The following DNAAF9 variants were observed in gnomAD, a reference collection of about 807,000 sequenced individuals.
DNAAF9 encodes the protein shulin.
DNAAF9 carries 90 observed loss-of-function variants against 167.0 expected under a neutral mutation model. The ratio of observed to expected loss-of-function variants is 0.54; its 90% confidence interval spans 0.45 to 0.64. The LOEUF (loss-of-function observed/expected upper bound fraction) is 0.64, where lower values mean the gene tolerates loss of function less well. Ranked by LOEUF, DNAAF9 falls within the 30% of genes least tolerant of loss-of-function variation. DNAAF9 has a pLI of 0.00. For synonymous variants in DNAAF9, 491 were observed against 508.8 expected, an observed-to-expected ratio of 0.96 and a Z score of 0.47; for missense variants, 1,315 against 1,442.2, an observed-to-expected ratio of 0.91 and a Z score of 1.43.
At chr20:3,374,002 A>G (rs2123221763) in intron 6 of DNAAF9, 46 bp downstream of exon 6, 1 of 1,209,894 alleles carries the variant, frequency 8.3e-7, no homozygotes, top group East Asian at 2.3e-5. Context: ...TCATAAAAAC[A>G]GCCCAGTGGC....
rs1048941505 is a variant in DNAAF9 at position 3,290,172 on chromosome 20, C to T, written c.2284G>A (p.Glu762Lys). 7.4e-6 allele frequency: 12 copies of T among 1,613,278 alleles called. No individual in the cohort carries two copies. Among genetic ancestry groups the T allele is most frequent in the African/African-American group, 4.0e-5 (3 of 74,914 alleles). ...AGAGTGACCAGAAAAGCACAGAGCT[C>T]GCTAGCGTGACAGCCTGGGAGGCCG... Reference protein sequence around the residue: ...VTGLPGCHASELCAFLVTLHK... With the variant: ...VTGLPGCHASKLCAFLVTLHK... The change falls in exon 26 of 37, where the codon GAG (glutamate) becomes AAG (lysine). Residue 762 changes from glutamate to lysine, a missense_variant. Glu to Lys is a moderately conservative substitution (Grantham distance 56). Around this residue, in one of 2 missense-constraint regions of DNAAF9, gnomAD observed 981 missense variants for 1,012.5 expected, o/e 0.97. Transcript: ENST00000252032.
In DNAAF9 at chr20:3,313,941, C is replaced by G. The variant is rs146942561; in HGVS notation, c.1678+1092G>C. 4.1e-3 allele frequency among the ~76,000 whole-genome samples: 620 copies of G among 152,230 alleles called. 8 individuals are homozygous for G. Among genetic ancestry groups the G allele is most frequent in the African/African-American group, 0.014 (592 of 41,544 alleles). On this transcript the variant is annotated intron_variant, in intron 20 of 36. Coordinates refer to ENST00000252032, the MANE Select transcript of DNAAF9 (RefSeq NM_001009984.3). ...CCAGAATTATTCCCAGGCCTTGAAA[C>G]CTTATCAAGGAACTGAAGTCTGCCC...
At chr20:3,366,762 A>G (rs1465141951) in intron 6 of DNAAF9, among the ~76,000 whole-genome samples, 1 of 151,826 alleles carries the variant, frequency 6.6e-6, no homozygotes, top group Middle Eastern at 3.2e-3. Flanking sequence ...CCATTTCTAC[A>G]AAAAATAAAA....
intron 23 of DNAAF9, chr20:3,295,960 G>A (rs1190243084): frequency 6.3e-7 from 1 of 1,582,460 alleles, no homozygotes; most frequent in Non-Finnish European, 8.7e-7. Flanking sequence ...TGGGGTGCCA[G>A]ATCTTGGTCA....
chr20:3,373,969 T>C, intron 6 of DNAAF9, 79 bp downstream of exon 6: 1 of 856,122 alleles, frequency 1.2e-6, no homozygotes, highest in South Asian at 1.5e-5. Flanking sequence ...GGTGTTATAA[T>C]AATGCACACT....
chr20:3,278,839 C>A (rs147748396), intron 29 of DNAAF9, 73 bp downstream of exon 29: 7 of 1,127,746 alleles, frequency 6.2e-6, no homozygotes, highest in African/African-American at 6.1e-5. Flanking sequence ...GGTAAGAGCA[C>A]GAAGAAAAGT....
rs372015979 is a variant in DNAAF9, at chr20:3,376,280, C to T, written c.306G>A (p.Ser102=). Residue 102 remains serine, a synonymous_variant, in exon 4 of 37, where the codon TCG becomes TCA. Coordinates refer to ENST00000252032, the MANE Select transcript of DNAAF9 (RefSeq NM_001009984.3). Reference sequence around the variant, plus strand: ...GATTACAGTACAGATGGACGCTATCCGATTTAATCAATATAATTACATCTG... The same window carrying T: ...GATTACAGTACAGATGGACGCTATCTGATTTAATCAATATAATTACATCTG... The part of the protein sequence containing the change: ...VLDDVIILIK[S]DSVHLYCNPV... The T allele has an allele frequency of 1.2e-5, 20 of 1,608,982 alleles. No individual in the cohort carries two copies. Among genetic ancestry groups the T allele is most frequent in the Admixed American group, 1.7e-5 (1 of 59,400 alleles).
At chr20:3,331,921 G>A (rs2069836806) in intron 11 of DNAAF9, among the ~76,000 whole-genome samples, 1 of 152,306 alleles carries the variant, frequency 6.6e-6, no homozygotes, top group Admixed American at 6.5e-5. Flanking sequence ...TGATCTGCCT[G>A]CCTGGGCCTC....
chr20:3,255,343 G>C, intron 34 of DNAAF9, 59 bp from the exon 35 acceptor site: 1 of 1,083,088 alleles, frequency 9.2e-7, no homozygotes, highest in Non-Finnish European at 1.4e-6. Context: ...TGCATGGGCA[G>C]GGGAGGGCTC....
chr20:3,280,465 T>C (rs1280231904), intron 28 of DNAAF9, among the ~76,000 whole-genome samples: 1 of 151,242 alleles, frequency 6.6e-6, no homozygotes, highest in East Asian at 2.0e-4. Flanking sequence ...CTCGGGAGGC[T>C]GAGGCAAGAA....
intron 8 of DNAAF9, 125 bp downstream of exon 8, chr20:3,348,400 C>A: frequency 1.9e-6 from 1 of 522,890 alleles, no homozygotes. Context: ...TGGTATACAA[C>A]ACAGCTTAAA....
chr20:3,265,674 CTT>C (rs1255778177), intron 30 of DNAAF9, among the ~76,000 whole-genome samples: 21 of 136,992 alleles, frequency 1.5e-4, no homozygotes, highest in Admixed American at 3.0e-4. Context: ...AGATACATTC[CTT>C]TTTTTTTTTT....
rs117331683 is a variant in DNAAF9 at position 3,386,008 on chromosome 20, G to C, written c.84-3502C>G. ...AGAGATTATTCTAAAATTTACATAA[G>C]CCAGGAACAGTGATACAGGTCTTAG... On this transcript the variant is annotated intron_variant, in intron 1 of 36. Coordinates refer to ENST00000252032, the MANE Select transcript of DNAAF9 (RefSeq NM_001009984.3). 3.2e-4 allele frequency among the ~76,000 whole-genome samples: 48 copies of C among 152,186 alleles called. No individual in the cohort carries two copies. In the East Asian group the frequency reaches 9.1e-3, roughly 29 times the overall value.
chr20:3,336,536 T>A (rs1047726700), intron 10 of DNAAF9, among the ~76,000 whole-genome samples: 15 of 152,060 alleles, frequency 9.9e-5, no homozygotes, highest in Admixed American at 6.6e-4. Flanking sequence ...ACTGAGTTTT[T>A]AAATTTGACT....
chr20:3,339,023 T>C (rs2070025812), intron 10 of DNAAF9, among the ~76,000 whole-genome samples: 1 of 152,258 alleles, frequency 6.6e-6, no homozygotes, highest in African/African-American at 2.4e-5. Flanking sequence ...GAATTTTCTA[T>C]TGACCAATGT....
Position 3,252,325 on chromosome 20 carries a change from G to GTA in DNAAF9, c.*245_*246dup. The GTA allele has an allele frequency of 2.7e-6, 1 of 374,234 alleles. No individual in the cohort carries two copies. Among genetic ancestry groups the GTA allele is most frequent in the Non-Finnish European group, 4.9e-6 (1 of 203,112 alleles). 23.2% of individuals were successfully genotyped at this position (374,234 alleles called of 1,614,324 possible). ...AGCTCCTGGACTGCCAGTTGCACAC[G>GTA]TAGACGGGCAGGCCCCATCTGCTCA... On this transcript the variant is annotated 3_prime_UTR_variant, in exon 37 of 37. Coordinates refer to ENST00000252032, the MANE Select transcript of DNAAF9 (RefSeq NM_001009984.3).
intron 16 of DNAAF9, 77 bp downstream of exon 16, chr20:3,322,140 C>T: frequency 9.5e-7 from 1 of 1,056,772 alleles, no homozygotes; most frequent in Non-Finnish European, 1.5e-6. Context: ...AGACCCCCAC[C>T]CACTCCCACC....
In DNAAF9 at chr20:3,252,806, G is replaced by A. The variant is rs1421235536; in HGVS notation, c.3422-122C>T. The A allele has an allele frequency of 3.4e-5, 23 of 685,508 alleles. No individual in the cohort carries two copies. The East Asian group carries it at 5.8e-4, about 17-fold the overall frequency. 42.5% of individuals were successfully genotyped at this position (685,508 alleles called of 1,614,324 possible). On this transcript the variant is annotated intron_variant, in intron 36 of 36. Coordinates refer to ENST00000252032, the MANE Select transcript of DNAAF9 (RefSeq NM_001009984.3). ...AGGAAGTGAGTGTCTGGCCCATAGAGAGGGAACCTGATGGACTCTTTGTAT... is the reference window on the plus strand; with the variant it reads ...AGGAAGTGAGTGTCTGGCCCATAGAAAGGGAACCTGATGGACTCTTTGTAT...
At position 3,352,102 on chromosome 20, in the gene DNAAF9, A is replaced by G. The variant is rs1001960446; in HGVS notation, c.691-3479T>C. Among the ~76,000 whole-genome samples the G allele has an allele frequency of 2.0e-5, 3 of 152,222 alleles. No individual in the cohort carries two copies. In the South Asian group the frequency reaches 6.2e-4, roughly 32 times the overall value. On this transcript the variant is annotated intron_variant, in intron 7 of 36. Coordinates refer to ENST00000252032, the MANE Select transcript of DNAAF9 (RefSeq NM_001009984.3). ...ATGAAAAGTCTTTAAAAGCAAATGC[A>G]TAAGTATTATTTGTTCATTACAGAA... is the stretch of plus-strand genomic sequence containing the variant.
Sources: gnomAD v4.1 joint callset for allele counts (sites outside exome capture counted in the v4.1 genomes callset) on GRCh38, gnomAD v4.1.1 for gene constraint, gnomAD v4.1.1 regional missense constraint, MANE v1.5 for transcripts, NCBI Gene and HGNC (gene_info 2026-07-23, HGNC 2026-07-21) for gene names.